Variants in DCC observed in about 807,000 individuals in gnomAD.
DCC encodes the protein netrin receptor DCC.
DCC carries 58 observed loss-of-function variants against 172.5 expected under a neutral mutation model. The ratio of observed to expected loss-of-function variants is 0.34; its 90% CI spans 0.27 to 0.42. The LOEUF (loss-of-function observed/expected upper bound fraction) is 0.42, where lower values mean the gene tolerates loss of function less well. DCC is among the 10% of genes least tolerant of loss of function. DCC has a pLI of 1.00. For missense variants in DCC, 1,740 were observed against 1,791.0 expected, an observed-to-expected ratio of 0.97 and a Z score of 0.51; for synonymous variants, 709 against 644.5, an observed-to-expected ratio of 1.10 and a Z score of -1.52.
intron 21 of DCC, among the ~76,000 whole-genome samples, chr18:53,428,441 ATAT>A (rs1178360986): frequency 6.5e-5 from 3 of 46,454 alleles, no homozygotes; most frequent in African/African-American, 1.4e-4. Flanking sequence ...CATATATAAT[ATAT>A]TATATTATTT....
At chr18:53,025,366 G>A (rs1286739656) in intron 5 of DCC, among the ~76,000 whole-genome samples, 1 of 152,128 alleles carries the variant, frequency 6.6e-6, no homozygotes, top group Non-Finnish European at 1.5e-5. Context: ...TAGTGATGTA[G>A]GAGTATACCT....
intron 2 of DCC, among the ~76,000 whole-genome samples, chr18:52,829,299 T>G (rs1473443604): frequency 2.0e-5 from 3 of 152,186 alleles, no homozygotes; most frequent in Non-Finnish European, 4.4e-5. Context: ...AAGGGTGAAC[T>G]TACAGTAGGA....
intron 1 of DCC, among the ~76,000 whole-genome samples, chr18:52,485,440 G>A (rs920524420): frequency 1.3e-5 from 2 of 152,096 alleles, no homozygotes; most frequent in Non-Finnish European, 2.9e-5. Context: ...AATGCAGAAT[G>A]CACGGCAAAT....
chr18:53,316,432 G>A (rs1438905974), intron 13 of DCC, among the ~76,000 whole-genome samples: 1 of 151,822 alleles, frequency 6.6e-6, no homozygotes, highest in Admixed American at 6.6e-5. Context: ...TCTTGGCTAT[G>A]CAGGCTCTTT....
chr18:53,041,877 G>A (rs1465748049), intron 5 of DCC, among the ~76,000 whole-genome samples: 10 of 151,982 alleles, frequency 6.6e-5, no homozygotes, highest in Admixed American at 1.3e-4. Context: ...AGACTTTCCC[G>A]AAGTTGCTTA....
chr18:53,384,306 T>G (rs1907979098), intron 15 of DCC, among the ~76,000 whole-genome samples: 1 of 152,198 alleles, frequency 6.6e-6, no homozygotes, highest in Admixed American at 6.5e-5. Flanking sequence ...CGTAAAATGT[T>G]ATATAAAGCC....
intron 1 of DCC, among the ~76,000 whole-genome samples, chr18:52,446,667 T>A (rs1257245792): frequency 6.6e-6 from 1 of 152,252 alleles, no homozygotes; most frequent in Non-Finnish European, 1.5e-5. Context: ...TCTGGCATTC[T>A]CCTTCTAGCC....
intron 1 of DCC, among the ~76,000 whole-genome samples, chr18:52,725,986 A>G (rs2036545980): frequency 6.6e-6 from 1 of 152,190 alleles, no homozygotes; most frequent in South Asian, 2.1e-4. Context: ...TGAACTGCTA[A>G]TATCATTCCC....
intron 15 of DCC, among the ~76,000 whole-genome samples, chr18:53,347,648 T>C (rs564411606): frequency 8.5e-5 from 13 of 152,324 alleles, no homozygotes; most frequent in African/African-American, 2.9e-4. Context: ...TCTGTTTTCA[T>C]GCTGCTAATA....
At chr18:52,525,882 T>C (rs1300453342) in intron 1 of DCC, among the ~76,000 whole-genome samples, 1 of 152,228 alleles carries the variant, frequency 6.6e-6, no homozygotes, top group Non-Finnish European at 1.5e-5. Context: ...TGAGTTATGT[T>C]ATCTTTGTTA....
At chr18:52,963,464 C>A (rs186742980) in intron 5 of DCC, among the ~76,000 whole-genome samples, 1 of 152,068 alleles carries the variant, frequency 6.6e-6, no homozygotes, top group Non-Finnish European at 1.5e-5. Flanking sequence ...CAAAGACCTG[C>A]AAATGGATGC....
chr18:52,505,037 C>G (rs944616842), intron 1 of DCC, among the ~76,000 whole-genome samples: 14 of 152,154 alleles, frequency 9.2e-5, no homozygotes, highest in African/African-American at 3.1e-4. Context: ...AAAGACACAG[C>G]TGAAAGCCTC....
At chr18:53,525,306 C>G (rs577598025) in intron 27 of DCC, among the ~76,000 whole-genome samples, 1 of 152,168 alleles carries the variant, frequency 6.6e-6, no homozygotes, top group African/African-American at 2.4e-5. Flanking sequence ...TTTGTAGGCA[C>G]TCAGTAAATA....
intron 2 of DCC, among the ~76,000 whole-genome samples, chr18:52,870,984 A>G (rs1006461830): frequency 6.6e-6 from 1 of 152,056 alleles, no homozygotes; most frequent in Non-Finnish European, 1.5e-5. Context: ...ACAGTCACAG[A>G]TCTGTTAATC....
chr18:52,956,846 T>C (rs1288394907), intron 5 of DCC, among the ~76,000 whole-genome samples: 1 of 152,168 alleles, frequency 6.6e-6, no homozygotes, highest in Non-Finnish European at 1.5e-5. Context: ...GAAATATTTT[T>C]CTCTATAAAG....
At position 53,066,069 on chromosome 18, in the gene DCC, T is replaced by C. The variant is rs771751324; in HGVS notation, c.1164T>C (p.Leu388=). 2 of 1,613,258 alleles carry C rather than the reference T, an allele frequency of 1.2e-6. No individual in the cohort carries two copies. Among genetic ancestry groups the C allele is most frequent in the Admixed American group, 1.7e-5 (1 of 59,938 alleles). ...QIVGGSNLRI[L]GVVKSDEGFY... ...AGGGAGGAAGCAACTTACGGATACT[T>C]GGGGTGGTGAAGTCAGATGAAGGCT... The change falls in exon 7 of 29, where the codon CTT becomes CTC. Residue 388 remains leucine (L), a synonymous_variant. Coordinates refer to ENST00000442544, the MANE Select transcript of DCC (RefSeq NM_005215.4).
At chr18:52,377,242 G>A (rs919280208) in intron 1 of DCC, among the ~76,000 whole-genome samples, 2 of 152,136 alleles carry the variant, frequency 1.3e-5, no homozygotes, top group African/African-American at 4.8e-5. Context: ...CCAGAAGAGA[G>A]GAACCAGCCT....
At chr18:52,913,965 T>C (rs2040005106) in intron 3 of DCC, among the ~76,000 whole-genome samples, 1 of 152,096 alleles carries the variant, frequency 6.6e-6, no homozygotes, top group Non-Finnish European at 1.5e-5. Flanking sequence ...TAGTCATAAA[T>C]TATAGGCACA....
Position 53,232,858 on chromosome 18 carries a change from C to G in DCC, c.1911+17261C>G, listed in dbSNP as rs565635356. On this transcript the variant is annotated intron_variant, in intron 12 of 28. Transcript: ENST00000442544. ...CCTATATGACAGCCCCTGTGTTCAT[C>G]TGAATCTCTAATGTCTCCGCTCTCA... Among the ~76,000 whole-genome samples, 3 of 152,212 alleles carry G rather than the reference C, an allele frequency of 2.0e-5. No homozygotes were observed. The East Asian group carries it at 5.8e-4, about 29-fold the overall frequency.
Sources: allele counts gnomAD v4.1 joint callset (sites outside exome capture counted in the v4.1 genomes callset), GRCh38; gene constraint gnomAD v4.1.1; transcripts MANE v1.5; gene names NCBI Gene and HGNC (gene_info 2026-07-23, HGNC 2026-07-21).